SUMF1: variants seen among roughly 807,000 people sequenced by gnomAD.
The protein encoded by SUMF1 is sulfatase modifying factor 1, also known as formylglycine-generating enzyme.
In SUMF1, 48 loss-of-function variants were observed where a neutral mutation model predicts 47.6. The ratio of observed to expected loss-of-function variants is 1.01; its 90% CI spans 0.80 to 1.28. The LOEUF is 1.28. SUMF1 is among the 50% of genes most tolerant of loss of function. The probability of loss-of-function intolerance (pLI) is 0.00; values close to 1 mark genes in which losing one functional copy is unlikely to be tolerated. For missense variants in SUMF1, 571 were observed against 485.4 expected, an observed-to-expected ratio of 1.18 and a Z score of -1.66; for synonymous variants, 230 against 192.1, an observed-to-expected ratio of 1.20 and a Z score of -1.63.
chr3:4,340,250 C>A (rs1308233976), intron 8 of SUMF1, among the ~76,000 whole-genome samples: 1 of 152,108 alleles, frequency 6.6e-6, no homozygotes, highest in African/African-American at 2.4e-5. Flanking sequence ...AATCCGGGAC[C>A]ACACTTTGAG....
At chr3:4,379,612 GAGGTCAAGAGATCA>G (rs570945428) in intron 7 of SUMF1, among the ~76,000 whole-genome samples, 236 of 152,132 alleles carry the variant, frequency 1.6e-3, no homozygotes, top group African/African-American at 5.5e-3. Flanking sequence ...TCAAGAGATG[GAGGTCAAGAGATCA>G]AGGTCAAGAG....
At chr3:4,257,786 A>C (rs1194355324) in intron 8 of SUMF1, among the ~76,000 whole-genome samples, 3 of 152,116 alleles carry the variant, frequency 2.0e-5, no homozygotes, top group African/African-American at 7.2e-5. Flanking sequence ...GGAACCAAAA[A>C]AGAGCCCGTG....
chr3:4,074,413 C>A (rs1692368094), intron 8 of SUMF1, among the ~76,000 whole-genome samples: 1 of 152,040 alleles, frequency 6.6e-6, no homozygotes, highest in Non-Finnish European at 1.5e-5. Flanking sequence ...AACACCATAA[C>A]ATCACAATTA....
intron 9 of SUMF1, among the ~76,000 whole-genome samples, chr3:4,055,333 T>A (rs1218822494): frequency 3.3e-5 from 5 of 152,190 alleles, no homozygotes; most frequent in African/African-American, 1.2e-4. Flanking sequence ...TTCCAAGTTA[T>A]TATCCTGTAT....
chr3:4,304,067 G>A, intron 8 of SUMF1: 1 of 200,874 alleles, frequency 5.0e-6, no homozygotes, highest in Admixed American at 6.2e-5. Context: ...AAAATGGCAA[G>A]GAAAATACAC....
chr3:4,081,942 C>T lies in SUMF1; in HGVS notation c.1015-13197G>A, dbSNP rs369298785. Among the ~76,000 whole-genome samples the T allele has an allele frequency of 8.5e-5, 13 of 152,206 alleles. 3 individuals are homozygous for T. Among genetic ancestry groups the T allele is most frequent in the Admixed American group, 6.5e-5 (1 of 15,286 alleles). On this transcript the variant is annotated intron_variant and NMD_transcript_variant, in intron 8 of 12. Coordinates refer to the SUMF1 transcript ENST00000448413. ...TATTTCCATTGTTGTTGAACACATACTGAAAGCCTTAACACAATAACTTTA... is the reference window on the plus strand; with the variant it reads ...TATTTCCATTGTTGTTGAACACATATTGAAAGCCTTAACACAATAACTTTA...
chr3:4,138,181 G>T (rs993173301), intron 8 of SUMF1, among the ~76,000 whole-genome samples: 1 of 152,076 alleles, frequency 6.6e-6, no homozygotes, highest in Non-Finnish European at 1.5e-5. Context: ...TGTGTCCATG[G>T]ATTGCAAGAC....
At chr3:4,281,518 C>A (rs1697528852) in intron 8 of SUMF1, among the ~76,000 whole-genome samples, 1 of 151,992 alleles carries the variant, frequency 6.6e-6, no homozygotes, top group African/African-American at 2.4e-5. Flanking sequence ...AAGTTTAATC[C>A]AAGGCCACAC....
intron 8 of SUMF1, among the ~76,000 whole-genome samples, chr3:4,351,095 T>C (rs1219492848): frequency 2.0e-5 from 3 of 152,228 alleles, no homozygotes; most frequent in African/African-American, 4.8e-5. Context: ...TGTTCAAAGG[T>C]AAAAGCTCAC....
chr3:4,268,789 C>A (rs1697248994), intron 8 of SUMF1, among the ~76,000 whole-genome samples: 1 of 152,006 alleles, frequency 6.6e-6, no homozygotes, highest in Admixed American at 6.6e-5. Flanking sequence ...CAACCACTCT[C>A]CACTTAGCTA....
chr3:4,171,015 A>G (rs894388665), intron 8 of SUMF1, among the ~76,000 whole-genome samples: 14 of 152,220 alleles, frequency 9.2e-5, no homozygotes, highest in African/African-American at 2.9e-4. Context: ...CTGCATTTGC[A>G]TCAGAAGAAT....
intron 8 of SUMF1, among the ~76,000 whole-genome samples, chr3:4,180,926 C>G (rs1465801152): frequency 6.6e-6 from 1 of 152,112 alleles, no homozygotes; most frequent in East Asian, 1.9e-4. Flanking sequence ...ATACACTTCT[C>G]TTTGAGAACA....
At chr3:4,378,446 A>G (rs1309377701) in intron 7 of SUMF1, among the ~76,000 whole-genome samples, 2 of 152,226 alleles carry the variant, frequency 1.3e-5, no homozygotes, top group Non-Finnish European at 1.5e-5. Flanking sequence ...ATCACAGACA[A>G]AGCCATTGGC....
chr3:4,137,282 C>T (rs1038831994), intron 8 of SUMF1, among the ~76,000 whole-genome samples: 1 of 152,074 alleles, frequency 6.6e-6, no homozygotes, highest in African/African-American at 2.4e-5. Flanking sequence ...CCATGGAATA[C>T]TCTGCAGCCA....
intron 7 of SUMF1, among the ~76,000 whole-genome samples, chr3:4,403,853 T>A (rs1701291846): frequency 6.6e-6 from 1 of 152,162 alleles, no homozygotes; most frequent in African/African-American, 2.4e-5. Context: ...GAGGTTTCCA[T>A]TTCCCACCTT....
chr3:4,440,926 A>G (rs1448427902), intron 3 of SUMF1, among the ~76,000 whole-genome samples: 3 of 152,224 alleles, frequency 2.0e-5, no homozygotes, highest in African/African-American at 7.2e-5. Flanking sequence ...TAATAACACA[A>G]TTATGAAATC....
rs192829112 is a variant in SUMF1, at chr3:4,050,340, C to T, written c.1191+18229G>A. Among the ~76,000 whole-genome samples, 322 of 152,004 alleles carry T rather than the reference C, an allele frequency of 2.1e-3. 4 individuals carry two copies. The highest frequency in any genetic ancestry group is 3.1e-3 in the Non-Finnish European group (209 of 67,966). On this transcript the variant is annotated intron_variant and NMD_transcript_variant, in intron 9 of 12. Transcript: ENST00000448413. ...AAGGCAATCTATTGTTATAAAATCACTGAAATTGCTAGAGTCTTTCCCTAG... is the reference window on the plus strand; with the variant it reads ...AAGGCAATCTATTGTTATAAAATCATTGAAATTGCTAGAGTCTTTCCCTAG...
At chr3:4,363,196 C>G (rs1419360531) in intron 8 of SUMF1, among the ~76,000 whole-genome samples, 1 of 152,094 alleles carries the variant, frequency 6.6e-6, no homozygotes, top group African/African-American at 2.4e-5. Context: ...AAGAACAACA[C>G]TAAGACACCA....
intron 8 of SUMF1, among the ~76,000 whole-genome samples, chr3:4,337,884 T>TC (rs11412019): frequency 0.78 from 118,307 of 151,762 alleles, 46,652 homozygotes; most frequent in African/African-American, 0.9. Context: ...CCCTTTCCTC[T>TC]CAGTAATCAC....
Sources: allele counts gnomAD v4.1 joint callset (sites outside exome capture counted in the v4.1 genomes callset), GRCh38; gene constraint gnomAD v4.1.1; transcripts MANE v1.5; gene names NCBI Gene and HGNC (gene_info 2026-07-23, HGNC 2026-07-21).